BLK: variants seen among roughly 807,000 people sequenced by gnomAD.
BLK encodes the protein tyrosine-protein kinase Blk.
A neutral mutation model predicts 61.8 loss-of-function variants in BLK; 64 were observed. The ratio of observed to expected loss-of-function variants is 1.03; its 90% CI spans 0.85 to 1.27. The LOEUF is 1.27. Among genes scored for constraint, BLK ranks in the 50% most tolerant of loss-of-function variants. The pLI is 0.00. For missense variants in BLK, 853 were observed against 660.5 expected (o/e 1.29, Z -3.19); for synonymous variants, 351 against 272.0 (o/e 1.29, Z -2.86).
intron 6 of BLK, chr8:11,553,182 T>G (rs1800999463): frequency 5.5e-6 from 1 of 183,440 alleles, no homozygotes; most frequent in African/African-American, 2.4e-5. Flanking sequence ...AAGACAGGGA[T>G]GGAAGCAGGG....
At chr8:11,524,741 CAGA>C (rs1799586192) in intron 1 of BLK, among the ~76,000 whole-genome samples, 1 of 152,046 alleles carries the variant, frequency 6.6e-6, no homozygotes, top group Admixed American at 6.6e-5. Context: ...GGGTGTGCGG[CAGA>C]AGAAGTGGGG....
intron 1 of BLK, among the ~76,000 whole-genome samples, chr8:11,531,643 T>C (rs983089159): frequency 1.4e-4 from 21 of 152,222 alleles, no homozygotes; most frequent in African/African-American, 4.1e-4. Flanking sequence ...ATTTCCATTT[T>C]TGGTTTCTTT....
intron 9 of BLK, chr8:11,557,742 G>T: frequency 1.9e-6 from 1 of 528,984 alleles, no homozygotes; most frequent in Non-Finnish European, 3.5e-6. Context: ...CTGGGCAACT[G>T]CTGGTATATT....
chr8:11,551,353 TCTC>T (rs1415464043), intron 6 of BLK, among the ~76,000 whole-genome samples: 2 of 152,206 alleles, frequency 1.3e-5, no homozygotes, highest in African/African-American at 4.8e-5. Context: ...ATGGCCGTCT[TCTC>T]TGTGTCCTCA....
intron 1 of BLK, among the ~76,000 whole-genome samples, chr8:11,511,469 C>A (rs1348425917): frequency 6.6e-6 from 1 of 151,914 alleles, no homozygotes; most frequent in Non-Finnish European, 1.5e-5. Context: ...CTGTTAACAA[C>A]AAACTCTGGC....
chr8:11,556,931 CAG>C (rs770732806), intron 9 of BLK, 94 bp downstream of exon 9: 2 of 1,376,656 alleles, frequency 1.5e-6, no homozygotes, highest in Non-Finnish European at 9.8e-7. Context: ...TTCACCAGGC[CAG>C]GGGGTCCTGC....
chr8:11,558,658 G>C, intron 10 of BLK: 1 of 456,192 alleles, frequency 2.2e-6, no homozygotes, highest in South Asian at 1.5e-5. Context: ...TTCACATGCA[G>C]AACTTTCTGG....
Position 11,550,602 on chromosome 8 carries a change from G to C in BLK, c.472+340G>C, listed in dbSNP as rs73195289. ...GAGCCCTTAACCACCAGCCTCTTTGGAATCAAGGATTAGGGGGAGCTCAAA... is the reference window on the plus strand; with the variant it reads ...GAGCCCTTAACCACCAGCCTCTTTGCAATCAAGGATTAGGGGGAGCTCAAA... On this transcript the variant is annotated intron_variant, in intron 6 of 12. Coordinates refer to ENST00000259089, the MANE Select transcript of BLK (RefSeq NM_001715.3). Among the ~76,000 whole-genome samples, 17,633 of 152,310 alleles carry C rather than the reference G, an allele frequency of 0.12. 1,148 individuals carry two copies. The highest frequency in any genetic ancestry group is 0.17 in the South Asian group (836 of 4,832).
intron 1 of BLK, among the ~76,000 whole-genome samples, chr8:11,495,324 A>G (rs1251669358): frequency 6.6e-6 from 1 of 152,208 alleles, no homozygotes; most frequent in Non-Finnish European, 1.5e-5. Context: ...GTAACAGAAG[A>G]AATTGCTGTG....
intron 1 of BLK, among the ~76,000 whole-genome samples, chr8:11,513,114 A>G (rs916384985): frequency 2.6e-5 from 4 of 152,048 alleles, no homozygotes; most frequent in Non-Finnish European, 5.9e-5. Flanking sequence ...TTATCCTCCT[A>G]CGAGATCCCT....
At chr8:11,499,352 A>G (rs1294051762) in intron 1 of BLK, among the ~76,000 whole-genome samples, 1 of 152,218 alleles carries the variant, frequency 6.6e-6, no homozygotes, top group Non-Finnish European at 1.5e-5. Context: ...ACCTAATGAC[A>G]CATTTTTCAG....
At chr8:11,549,442 C>T (rs542393801) in intron 5 of BLK, among the ~76,000 whole-genome samples, 150 of 152,348 alleles carry the variant, frequency 9.8e-4, no homozygotes, top group Non-Finnish European at 1.6e-3. Context: ...AGCATCCCCT[C>T]CCCTACAGCC....
chr8:11,513,209 C>T (rs544555963), intron 1 of BLK, among the ~76,000 whole-genome samples: 1 of 152,244 alleles, frequency 6.6e-6, no homozygotes, highest in African/African-American at 2.4e-5. Context: ...CTCAATGCAC[C>T]ACACGCAGTT....
chr8:11,503,193 C>T (rs747107478), intron 1 of BLK, among the ~76,000 whole-genome samples: 4 of 152,158 alleles, frequency 2.6e-5, no homozygotes, highest in Non-Finnish European at 5.9e-5. Flanking sequence ...GTGTGAAGCA[C>T]ACAACCACAC....
At position 11,529,738 on chromosome 8, in the gene BLK, G is replaced by A. The variant is rs1009854304; in HGVS notation, c.-1-13486G>A. The stretch of plus-strand genomic sequence containing the variant: ...ATAAATTAACTTCTTCCCAAAATTA[G>A]TTCAGCCTATGCCCAGGAATGACCA... On this transcript the variant is annotated intron_variant, in intron 1 of 12. Transcript: ENST00000259089. 3.3e-5 allele frequency among the ~76,000 whole-genome samples: 5 copies of A among 152,320 alleles called. No homozygotes were observed. The South Asian group carries it at 6.2e-4, about 19-fold the overall frequency.
chr8:11,509,437 G>C (rs139439988), intron 1 of BLK: 38 of 152,354 alleles, frequency 2.5e-4, no homozygotes, highest in African/African-American at 8.7e-4. Flanking sequence ...ACATGGAAAT[G>C]CCTCACCAGC....
chr8:11,501,481 T>C (rs7016396), intron 1 of BLK, among the ~76,000 whole-genome samples: 12,815 of 152,158 alleles, frequency 0.084, 685 homozygotes, highest in African/African-American at 0.14. Flanking sequence ...GAGGTCAAGA[T>C]AGGCATCTTG....
At chr8:11,518,246 A>C (rs555403631) in intron 1 of BLK, among the ~76,000 whole-genome samples, 3 of 152,334 alleles carry the variant, frequency 2.0e-5, no homozygotes, top group Admixed American at 2.0e-4. Context: ...CCCAGCTGAG[A>C]CGAAGCACCA....
chr8:11,562,922 T>C (rs1801558285), intron 11 of BLK, 57 bp from the exon 12 acceptor site: 1 of 1,610,816 alleles, frequency 6.2e-7, no homozygotes, highest in Non-Finnish European at 8.5e-7. Flanking sequence ...GGGGTGAGGA[T>C]GGAGGGTAGG....
Sources: allele counts gnomAD v4.1 joint callset (sites outside exome capture counted in the v4.1 genomes callset), GRCh38; gene constraint gnomAD v4.1.1; transcripts MANE v1.5; gene names NCBI Gene and HGNC (gene_info 2026-07-23, HGNC 2026-07-21).